The following UBXN7 variants were observed in gnomAD, a reference collection of about 807,000 sequenced individuals.
UBXN7 encodes UBX domain-containing protein 7.
UBXN7 carries 9 observed loss-of-function variants against 58.0 expected under a neutral mutation model. The ratio of observed to expected loss-of-function variants is 0.16; its 90% CI spans 0.09 to 0.27. The LOEUF (loss-of-function observed/expected upper bound fraction) is 0.27. UBXN7 is among the 10% of genes least tolerant of loss of function. The pLI, the probability that UBXN7 is intolerant of heterozygous loss-of-function variation, is 1.00. For synonymous variants in UBXN7, 208 were observed against 205.0 expected (o/e 1.01, Z -0.12); for missense variants, 328 against 599.6 (o/e 0.55, Z 4.73).
intron 5 of UBXN7, among the ~76,000 whole-genome samples, chr3:196,376,970 C>T (rs1178355634): frequency 6.7e-6 from 1 of 150,272 alleles, no homozygotes; most frequent in African/African-American, 2.5e-5. Flanking sequence ...CACTTGAACC[C>T]AGGAAGTTGG....
At chr3:196,426,920 T>A (rs1031383786) in intron 1 of UBXN7, among the ~76,000 whole-genome samples, 1 of 152,106 alleles carries the variant, frequency 6.6e-6, no homozygotes, top group Non-Finnish European at 1.5e-5. Context: ...GCCCCTAATT[T>A]TTATAATAAA....
At chr3:196,374,135 G>A (rs968192488) in intron 5 of UBXN7, among the ~76,000 whole-genome samples, 2 of 152,072 alleles carry the variant, frequency 1.3e-5, no homozygotes, top group Non-Finnish European at 2.9e-5. Flanking sequence ...ATGACCATAC[G>A]TTCTAGAGAT....
At chr3:196,403,170 G>A (rs1440215502) in intron 2 of UBXN7, 151 bp from the exon 3 acceptor site, 2 of 791,044 alleles carry the variant, frequency 2.5e-6, no homozygotes, top group Admixed American at 3.4e-5. Context: ...TTTTGGGGGG[G>A]CGGTGGAGAC....
intron 1 of UBXN7, chr3:196,431,244 C>T (rs948714020): frequency 6.6e-6 from 1 of 152,152 alleles, no homozygotes; most frequent in African/African-American, 2.4e-5. Flanking sequence ...AACATTCTGA[C>T]CTCCTTCCAA....
At chr3:196,393,449 T>A in intron 4 of UBXN7, 105 bp downstream of exon 4, 1 of 1,090,126 alleles carries the variant, frequency 9.2e-7, no homozygotes, top group South Asian at 1.8e-5. Flanking sequence ...TTTCACTTTT[T>A]AAAGAAGGTG....
intron 3 of UBXN7, among the ~76,000 whole-genome samples, chr3:196,394,233 A>G (rs1729679297): frequency 6.7e-6 from 1 of 148,670 alleles, no homozygotes; most frequent in African/African-American, 2.5e-5. Flanking sequence ...GGTTGCAGTA[A>G]GCCAAGACTG....
chr3:196,401,051 T>C (rs2108851050), intron 3 of UBXN7, among the ~76,000 whole-genome samples: 1 of 151,710 alleles, frequency 6.6e-6, no homozygotes, highest in Admixed American at 6.6e-5. Context: ...TTGCCTTTTA[T>C]TTCCAAATCT....
intron 5 of UBXN7, among the ~76,000 whole-genome samples, chr3:196,381,896 G>C (rs1250955768): frequency 6.6e-6 from 1 of 152,176 alleles, no homozygotes; most frequent in Non-Finnish European, 1.5e-5. Context: ...ATCAGTGATT[G>C]AAGATCAAAT....
intron 5 of UBXN7, among the ~76,000 whole-genome samples, chr3:196,372,454 G>A (rs749826053): frequency 8.6e-5 from 13 of 150,388 alleles, no homozygotes; most frequent in Non-Finnish European, 1.5e-4. Context: ...TGATTCTCCC[G>A]CCGCAGCCTC....
chr3:196,371,822 C>G, intron 6 of UBXN7, 74 bp downstream of exon 6: 1 of 1,539,174 alleles, frequency 6.5e-7, no homozygotes, highest in Non-Finnish European at 8.8e-7. Context: ...CATTATAACC[C>G]AATTCCTTTC....
intron 5 of UBXN7, among the ~76,000 whole-genome samples, chr3:196,391,039 A>G (rs545513778): frequency 6.6e-6 from 1 of 152,314 alleles, no homozygotes; most frequent in African/African-American, 2.4e-5. Flanking sequence ...TTTAGTCACG[A>G]TAAAACCAAG....
At chr3:196,413,313 G>C (rs1182748787) in intron 1 of UBXN7, among the ~76,000 whole-genome samples, 1 of 152,020 alleles carries the variant, frequency 6.6e-6, no homozygotes, top group African/African-American at 2.4e-5. Context: ...ACTTCAGCCT[G>C]GGCAACAAGA....
rs569535377 is a variant in UBXN7 at position 196,386,085 on chromosome 3, C to T, written c.468+5728G>A. On this transcript the variant is annotated intron_variant, in intron 5 of 10. Coordinates refer to ENST00000296328, the MANE Select transcript of UBXN7 (RefSeq NM_015562.2). ...TTTATCTATGACCTTACCCCCAACC[C>T]CATGCTCTCTGAAACATGTGCTGTG... 1.1e-4 allele frequency among the ~76,000 whole-genome samples: 16 copies of T among 152,126 alleles called. No homozygotes were observed. In the East Asian group the frequency reaches 3.1e-3, roughly 29 times the overall value.
At chr3:196,405,119 C>T (rs1362641179) in intron 2 of UBXN7, among the ~76,000 whole-genome samples, 1 of 151,938 alleles carries the variant, frequency 6.6e-6, no homozygotes, top group Non-Finnish European at 1.5e-5. Flanking sequence ...GAGATCACAC[C>T]CCTACATTCC....
At chr3:196,418,801 G>T (rs1321310462) in intron 1 of UBXN7, among the ~76,000 whole-genome samples, 1 of 152,186 alleles carries the variant, frequency 6.6e-6, no homozygotes, top group African/African-American at 2.4e-5. Flanking sequence ...CATAGTAACG[G>T]AAGTAACAAC....
At chr3:196,417,752 A>C (rs1444267631) in intron 1 of UBXN7, among the ~76,000 whole-genome samples, 5 of 143,730 alleles carry the variant, frequency 3.5e-5, no homozygotes, top group East Asian at 2.0e-4. Context: ...AAAAAAAAAA[A>C]AAAAACCATC....
At chr3:196,377,486 T>C (rs148521768) in intron 5 of UBXN7, among the ~76,000 whole-genome samples, 263 of 152,298 alleles carry the variant, frequency 1.7e-3, no homozygotes, top group African/African-American at 6.2e-3. Flanking sequence ...ATGTGGAACC[T>C]ACGAAATCAA....
intron 1 of UBXN7, among the ~76,000 whole-genome samples, chr3:196,408,281 T>C (rs1350909604): frequency 6.6e-6 from 1 of 152,140 alleles, no homozygotes; most frequent in Non-Finnish European, 1.5e-5. Flanking sequence ...CAGAGTCTGC[T>C]AAATGAAATG....
At chr3:196,429,010 TAAAA>T (rs11401303) in intron 1 of UBXN7, among the ~76,000 whole-genome samples, 1 of 126,286 alleles carries the variant, frequency 7.9e-6, no homozygotes, top group Non-Finnish European at 1.6e-5. Flanking sequence ...CTCCATCTCT[TAAAA>T]AAAAAAAAAA....
Sources: gnomAD v4.1 joint callset for allele counts (sites outside exome capture counted in the v4.1 genomes callset) on GRCh38, gnomAD v4.1.1 for gene constraint, MANE v1.5 for transcripts, NCBI Gene and HGNC (gene_info 2026-07-23, HGNC 2026-07-21) for gene names.